Variants in METTL8 observed in about 807,000 individuals in gnomAD.
METTL8 encodes the protein tRNA N(3)-cytidine methyltransferase METTL8, mitochondrial.
Under a neutral mutation model 48.7 loss-of-function variants are expected in METTL8, and 32 were observed. The observed-to-expected ratio is 0.66, with a 90% CI of 0.50 to 0.88. The LOEUF is 0.88. Ranked by LOEUF, METTL8 falls within the 40% of genes least tolerant of loss-of-function variation. The probability of loss-of-function intolerance (pLI) is 0.00; values close to 1 mark genes in which losing one functional copy is unlikely to be tolerated. For missense variants in METTL8, 464 were observed against 474.4 expected (o/e 0.98, Z 0.20); for synonymous variants, 136 against 157.1 (o/e 0.87, Z 1.01).
At chr2:171,428,398 T>TACA (rs1235761771) in intron 1 of METTL8, among the ~76,000 whole-genome samples, 6 of 152,042 alleles carry the variant, frequency 3.9e-5, no homozygotes, top group Non-Finnish European at 7.4e-5. Flanking sequence ...AATCCCACTA[T>TACA]ACATGCCAGC....
chr2:171,336,385 A>G (rs923809087), intron 5 of METTL8, among the ~76,000 whole-genome samples: 5 of 130,524 alleles, frequency 3.8e-5, no homozygotes, highest in South Asian at 4.9e-4. Flanking sequence ...ATGAGCCACC[A>G]CGCCCGACTG....
chr2:171,416,727 A>G (rs1344323685), intron 1 of METTL8, among the ~76,000 whole-genome samples: 1 of 152,214 alleles, frequency 6.6e-6, no homozygotes, highest in Non-Finnish European at 1.5e-5. Flanking sequence ...AAGGGTGGGA[A>G]AAGCATTTCT....
chr2:171,434,063 C>G (rs1247761225), upstream of METTL8: 3 of 294,710 alleles, frequency 1.0e-5, no homozygotes. Context: ...GCGGCAGCAC[C>G]GCGCCCCCAG....
chr2:171,344,989 C>A (rs144360531), intron 3 of METTL8, among the ~76,000 whole-genome samples: 1 of 152,108 alleles, frequency 6.6e-6, no homozygotes, highest in East Asian at 1.9e-4. Flanking sequence ...AATAATATAG[C>A]GTGGAGAAAT....
intron 3 of METTL8, 49 bp from the exon 4 acceptor site, chr2:171,339,603 T>C (rs769926850): frequency 5.1e-6 from 5 of 980,886 alleles, no homozygotes; most frequent in Non-Finnish European, 7.4e-6. Context: ...GAATTATATT[T>C]ACTATTAGCT....
intron 3 of METTL8, 35 bp from the exon 4 acceptor site, chr2:171,339,589 C>T: frequency 3.3e-6 from 4 of 1,215,766 alleles, no homozygotes; most frequent in Non-Finnish European, 4.6e-6. Context: ...ATTTATTTTA[C>T]TACGAATTAT....
At chr2:171,364,499 T>C (rs536428485) in intron 2 of METTL8, among the ~76,000 whole-genome samples, 1 of 152,268 alleles carries the variant, frequency 6.6e-6, no homozygotes, top group South Asian at 2.1e-4. Flanking sequence ...ATAGAAGATT[T>C]TTGAGTAAAA....
At chr2:171,336,862 TC>T (rs1686170253) in intron 5 of METTL8, among the ~76,000 whole-genome samples, 3 of 136,128 alleles carry the variant, frequency 2.2e-5, no homozygotes, top group Non-Finnish European at 3.2e-5. Flanking sequence ...AATCACTTCC[TC>T]TTTTTTTTTT....
intron 5 of METTL8, among the ~76,000 whole-genome samples, chr2:171,334,057 C>T (rs1685827066): frequency 6.7e-6 from 1 of 150,038 alleles, no homozygotes; most frequent in Non-Finnish European, 1.5e-5. Flanking sequence ...AGCTTAAAAA[C>T]TAACATAGTC....
At chr2:171,427,332 A>G (rs1298031093) in intron 1 of METTL8, among the ~76,000 whole-genome samples, 2 of 152,130 alleles carry the variant, frequency 1.3e-5, no homozygotes, top group East Asian at 1.9e-4. Flanking sequence ...GCCTTCCACA[A>G]TGTATTTTCC....
intron 3 of METTL8, among the ~76,000 whole-genome samples, chr2:171,342,758 T>A (rs1686904017): frequency 6.6e-6 from 1 of 152,216 alleles, no homozygotes; most frequent in Non-Finnish European, 1.5e-5. Context: ...GTGAAGTGTG[T>A]TTGAGCCCAA....
chr2:171,394,725 A>G (rs778320002), intron 1 of METTL8, among the ~76,000 whole-genome samples: 5 of 152,256 alleles, frequency 3.3e-5, no homozygotes, highest in Non-Finnish European at 7.3e-5. Context: ...TAATATAAAT[A>G]CATAATAAAA....
intron 3 of METTL8, among the ~76,000 whole-genome samples, chr2:171,345,488 TAAA>T: frequency 6.6e-6 from 1 of 152,318 alleles, no homozygotes; most frequent in South Asian, 2.1e-4. Flanking sequence ...AGAAAACTCT[TAAA>T]AACTATGAAA....
At chr2:171,349,834 C>T (rs368081334) in intron 3 of METTL8, among the ~76,000 whole-genome samples, 7 of 152,126 alleles carry the variant, frequency 4.6e-5, no homozygotes, top group African/African-American at 1.7e-4. Context: ...CTGTCATTGT[C>T]AGGTTTATAA....
chr2:171,411,977 T>G (rs1384525978), intron 1 of METTL8, among the ~76,000 whole-genome samples: 1 of 152,204 alleles, frequency 6.6e-6, no homozygotes, highest in Non-Finnish European at 1.5e-5. Flanking sequence ...GAATAAGCAT[T>G]TACTAAAGAA....
chr2:171,413,999 T>C (rs181642977), intron 1 of METTL8, among the ~76,000 whole-genome samples: 1 of 152,280 alleles, frequency 6.6e-6, no homozygotes, highest in African/African-American at 2.4e-5. Flanking sequence ...CAGAAGAATA[T>C]ATTAAGGATT....
At chr2:171,405,170 T>C (rs1225811344) in intron 1 of METTL8, among the ~76,000 whole-genome samples, 1 of 152,098 alleles carries the variant, frequency 6.6e-6, no homozygotes, top group Non-Finnish European at 1.5e-5. Flanking sequence ...TCCTACAATA[T>C]ATTCAAATGG....
intron 3 of METTL8, among the ~76,000 whole-genome samples, chr2:171,340,451 G>A (rs1686618098): frequency 7.5e-6 from 1 of 134,092 alleles, no homozygotes. Context: ...GCAGTGAGCA[G>A]AGAACACGCC....
In METTL8 at chr2:171,361,369, T is replaced by C. The variant is rs117238557; in HGVS notation, c.144-856A>G. Among the ~76,000 whole-genome samples, 288 of 152,174 alleles carry C rather than the reference T, an allele frequency of 1.9e-3. 7 individuals are homozygous for C. In the East Asian group the frequency reaches 0.029, roughly 15 times the overall value. ...TTACACACCCCATATTCAAGTTGCATTTAGCCTAGAAGAAAAACCCCTAAC... is the reference window on the plus strand; with the variant it reads ...TTACACACCCCATATTCAAGTTGCACTTAGCCTAGAAGAAAAACCCCTAAC... On this transcript the variant is annotated intron_variant, in intron 2 of 9. Coordinates refer to ENST00000375258, the MANE Select transcript of METTL8 (RefSeq NM_001321154.2).
Sources: allele counts gnomAD v4.1 joint callset (sites outside exome capture counted in the v4.1 genomes callset), GRCh38; gene constraint gnomAD v4.1.1; transcripts MANE v1.5; gene names NCBI Gene and HGNC (gene_info 2026-07-23, HGNC 2026-07-21).